The following PCDHA4 variants were observed in gnomAD, a reference collection of about 807,000 sequenced individuals.
PCDHA4 encodes protocadherin alpha 4, also known as protocadherin alpha-4.
In PCDHA4, 49 loss-of-function variants were observed where a neutral mutation model predicts 61.4. The observed-to-expected ratio is 0.80, with a 90% CI of 0.63 to 1.01. PCDHA4 has a LOEUF of 1.01. PCDHA4 is among the 50% of genes least tolerant of loss of function. The pLI, the probability that PCDHA4 is intolerant of heterozygous loss-of-function variation, is 0.00. For synonymous variants in PCDHA4, 590 were observed against 550.3 expected (o/e 1.07, Z -1.01); for missense variants, 1,254 against 1,235.8 (o/e 1.01, Z -0.22).
At chr5:140,944,617 G>A (rs374007868) in intron 1 of PCDHA4, among the ~76,000 whole-genome samples, 6 of 152,192 alleles carry the variant, frequency 3.9e-5, no homozygotes, top group African/African-American at 1.4e-4. Flanking sequence ...TGCTGTAGAA[G>A]TATAGTGTTG....
intron 1 of PCDHA4, among the ~76,000 whole-genome samples, chr5:140,880,869 G>C (rs1017640769): frequency 6.6e-6 from 1 of 152,064 alleles, no homozygotes. Context: ...TATGTGAAGA[G>C]GTAAATAAAG....
chr5:140,882,930 A>C, intron 1 of PCDHA4: 8 of 1,614,214 alleles, frequency 5.0e-6, no homozygotes, highest in Non-Finnish European at 6.8e-6. Context: ...GGTAAACCCG[A>C]GCTGACTGGC....
chr5:140,986,373 G>A (rs376031401), intron 3 of PCDHA4, among the ~76,000 whole-genome samples: 26 of 152,280 alleles, frequency 1.7e-4, no homozygotes, highest in South Asian at 4.1e-4. Context: ...TGCGTTTTGG[G>A]GGGAGGGACA....
chr5:140,862,862 C>T (rs782494104), intron 1 of PCDHA4: 1 of 507,446 alleles, frequency 2.0e-6, no homozygotes, highest in African/African-American at 3.1e-5. Flanking sequence ...AGCAATGTGA[C>T]GCTGCCAGGT....
chr5:140,973,203 A>T (rs1554234958), intron 1 of PCDHA4, among the ~76,000 whole-genome samples: 1 of 152,196 alleles, frequency 6.6e-6, no homozygotes, highest in Non-Finnish European at 1.5e-5. Flanking sequence ...ATGTGTGCAT[A>T]TTCACCCTAA....
At chr5:140,976,330 T>C (rs139191853) in intron 1 of PCDHA4, among the ~76,000 whole-genome samples, 1 of 152,088 alleles carries the variant, frequency 6.6e-6, no homozygotes, top group Non-Finnish European at 1.5e-5. Flanking sequence ...GAGGGTGGAT[T>C]GCCTGAGGTC....
intron 1 of PCDHA4, chr5:140,870,439 G>C (rs374343977): frequency 6.2e-7 from 1 of 1,614,126 alleles, no homozygotes; most frequent in African/African-American, 1.3e-5. Flanking sequence ...GGAGGTGGCC[G>C]ACGTGAACGA....
intron 1 of PCDHA4, chr5:140,851,594 A>T (rs1554145464): frequency 1.1e-6 from 1 of 917,164 alleles, no homozygotes; most frequent in African/African-American, 1.8e-5. Context: ...TTTGAAATTC[A>T]GTTTACAGAA....
intron 1 of PCDHA4, among the ~76,000 whole-genome samples, chr5:140,917,329 G>GGC (rs1563018868): frequency 6.9e-6 from 1 of 143,930 alleles, no homozygotes; most frequent in Non-Finnish European, 1.5e-5. Context: ...TGTGGCGGGG[G>GGC]AGGGGGGGGA....
intron 1 of PCDHA4, chr5:140,843,513 G>A (rs1554140161): frequency 6.3e-7 from 1 of 1,595,848 alleles, no homozygotes; most frequent in East Asian, 2.2e-5. Context: ...ACTGAGGGCG[G>A]GTGCCGGGCG....
intron 1 of PCDHA4, chr5:140,841,186 T>C (rs1554138025): frequency 1.7e-6 from 2 of 1,195,696 alleles, no homozygotes; most frequent in Non-Finnish European, 2.3e-6. Flanking sequence ...ATGTTCAAAG[T>C]CTTTTCTCTG....
intron 1 of PCDHA4, chr5:140,836,815 A>AT (rs1774761727): frequency 8.3e-7 from 1 of 1,210,190 alleles, no homozygotes; most frequent in African/African-American, 1.5e-5. Context: ...TTCTTTCATA[A>AT]TTTCTTTTTT....
Position 140,967,363 on chromosome 5 carries a change from C to T in PCDHA4, c.2386-11586C>T, listed in dbSNP as rs539138806. On this transcript the variant is annotated intron_variant, in intron 1 of 3. Coordinates refer to ENST00000530339, the MANE Select transcript of PCDHA4 (RefSeq NM_018907.4). ...AGCACTTCGAGCTGGACCTTAAGCCCCTGCAGGAGAACAGTAAAGTGCTTG... is the reference window on the plus strand; with the variant it reads ...AGCACTTCGAGCTGGACCTTAAGCCTCTGCAGGAGAACAGTAAAGTGCTTG... The T allele has an allele frequency of 1.6e-5, 26 of 1,607,546 alleles. No homozygotes were observed. The South Asian group carries it at 2.9e-4, about 18-fold the overall frequency.
intron 1 of PCDHA4, chr5:140,877,865 T>C (rs1554170196): frequency 1.3e-6 from 2 of 1,496,610 alleles, no homozygotes; most frequent in South Asian, 2.8e-5. Flanking sequence ...TATTTAGATA[T>C]ATTTGTTTCC....
rs1236098574 is a variant in PCDHA4 at position 140,852,665 on chromosome 5, C to T, written c.2385+43093C>T. The T allele has an allele frequency of 2.1e-6, 2 of 964,268 alleles. 1 individual carries two copies. The highest frequency in any genetic ancestry group is 3.6e-5 in the African/African-American group (2 of 55,886). 59.7% of individuals were successfully genotyped at this position (964,268 alleles called of 1,614,324 possible). A position where few individuals can be genotyped will look rare whatever the true frequency, so the allele number is the denominator to read the frequency against. Reference sequence around the variant, plus strand: ...AAACCTATCTATATCTGTCTATCAGCACAACTCACCTTGAATATAGTCTTA... The same window carrying T: ...AAACCTATCTATATCTGTCTATCAGTACAACTCACCTTGAATATAGTCTTA... On this transcript the variant is annotated intron_variant, in intron 1 of 3. Transcript: ENST00000530339.
rs2150169954 is a variant in PCDHA4 at position 140,829,555 on chromosome 5, G to C, written c.2385+19983G>C. 7.4e-5 allele frequency: 119 copies of C among 1,612,836 alleles called. No homozygotes were observed. In the East Asian group the frequency reaches 1.6e-3, roughly 21 times the overall value. On this transcript the variant is annotated intron_variant, in intron 1 of 3. Transcript: ENST00000530339. Reference sequence around the variant, plus strand: ...GAGACGCGGACGCGCAGGAGAACGCGCTGGTGTCCTACTCGCTGGTGGAGC... The same window carrying C: ...GAGACGCGGACGCGCAGGAGAACGCCCTGGTGTCCTACTCGCTGGTGGAGC...
In PCDHA4 at chr5:140,972,718, C is replaced by T. The variant is rs921637217; in HGVS notation, c.2386-6231C>T. Among the ~76,000 whole-genome samples the T allele has an allele frequency of 9.2e-5, 13 of 142,004 alleles. No individual in the cohort carries two copies. In the East Asian group the frequency reaches 2.5e-3, roughly 27 times the overall value. The allele number at this position is 142,004 out of a possible 152,430, so 93.2% of individuals were successfully genotyped here. A position where few individuals can be genotyped will look rare whatever the true frequency, so the allele number is the denominator to read the frequency against. Reference sequence around the variant, plus strand: ...CTCACTCTGTTGCCAGGCTGGAGTGCAGTGGCGTAATCCCGGCTCACTGCA... The same window carrying T: ...CTCACTCTGTTGCCAGGCTGGAGTGTAGTGGCGTAATCCCGGCTCACTGCA... On this transcript the variant is annotated intron_variant, in intron 1 of 3. Coordinates refer to ENST00000530339, the MANE Select transcript of PCDHA4 (RefSeq NM_018907.4).
intron 1 of PCDHA4, chr5:140,869,908 CGAGACGAAG>C: frequency 6.2e-7 from 1 of 1,610,646 alleles, no homozygotes; most frequent in Non-Finnish European, 8.5e-7. Context: ...CGCCACAGAC[CGAGACGAAG>C]GAGTCAATGG....
intron 1 of PCDHA4, chr5:140,822,764 C>A (rs1767428051): frequency 2.5e-6 from 4 of 1,613,898 alleles, no homozygotes; most frequent in Non-Finnish European, 1.7e-6. Context: ...TTCCCATTAT[C>A]AGGACACTGT....
Sources: gnomAD v4.1 joint callset for allele counts (sites outside exome capture counted in the v4.1 genomes callset) on GRCh38, gnomAD v4.1.1 for gene constraint, MANE v1.5 for transcripts, NCBI Gene and HGNC (gene_info 2026-07-23, HGNC 2026-07-21) for gene names.